Variants in MERTK observed in about 807,000 individuals in gnomAD.
MERTK encodes the protein MER proto-oncogene, tyrosine kinase, also known as tyrosine-protein kinase Mer.
A neutral mutation model predicts 99.3 loss-of-function variants in MERTK; 69 were observed. The ratio of observed to expected loss-of-function variants is 0.70; its 90% CI spans 0.57 to 0.85. MERTK has a LOEUF of 0.85. Among genes scored for constraint, MERTK ranks in the 40% least tolerant of loss-of-function variants. The probability of loss-of-function intolerance (pLI) is 0.00; values close to 1 mark genes in which losing one functional copy is unlikely to be tolerated. For synonymous variants in MERTK, 426 were observed against 467.6 expected, an observed-to-expected ratio of 0.91 and a Z score of 1.15; for missense variants, 1,125 against 1,249.4, an observed-to-expected ratio of 0.90 and a Z score of 1.50.
At chr2:112,002,363 G>A (rs1250627017) in intron 11 of MERTK, among the ~76,000 whole-genome samples, 3 of 152,124 alleles carry the variant, frequency 2.0e-5, no homozygotes, top group Non-Finnish European at 4.4e-5. Flanking sequence ...GTGAGACTCC[G>A]TCCATGGCAT....
chr2:111,962,315 C>G (rs1409114974), intron 4 of MERTK, among the ~76,000 whole-genome samples: 1 of 152,122 alleles, frequency 6.6e-6, no homozygotes, highest in Non-Finnish European at 1.5e-5. Context: ...CAGGACCAGC[C>G]TGGACAACAT....
intron 1 of MERTK, among the ~76,000 whole-genome samples, chr2:111,900,080 TCTC>T (rs1301226173): frequency 1.3e-5 from 2 of 152,192 alleles, no homozygotes; most frequent in Non-Finnish European, 2.9e-5. Flanking sequence ...GTAGATTTTC[TCTC>T]TTTTGATCGA....
intron 13 of MERTK, among the ~76,000 whole-genome samples, chr2:112,006,265 TA>T (rs536845637): frequency 1.2e-3 from 182 of 151,818 alleles, no homozygotes; most frequent in African/African-American, 4.3e-3. Context: ...AAGTAGACCA[TA>T]ATGACTAATA....
At chr2:111,997,168 G>A (rs1676763421) in intron 9 of MERTK, 155 bp from the exon 10 acceptor site, 2 of 870,644 alleles carry the variant, frequency 2.3e-6, no homozygotes, top group Non-Finnish European at 3.9e-6. Flanking sequence ...CTCTTCGCAT[G>A]GTCTCAGCTT....
chr2:111,938,320 C>A (rs1684799775), intron 2 of MERTK, among the ~76,000 whole-genome samples: 1 of 152,162 alleles, frequency 6.6e-6, no homozygotes, highest in Non-Finnish European at 1.5e-5. Flanking sequence ...TGGTCTTGAA[C>A]TCCTGGGCTC....
intron 4 of MERTK, among the ~76,000 whole-genome samples, chr2:111,951,501 G>T (rs1685053095): frequency 2.1e-5 from 2 of 96,392 alleles, no homozygotes; most frequent in Admixed American, 1.2e-4. Context: ...TTTCTTTTTT[G>T]TACACGCTGA....
chr2:111,899,334 G>GA (rs202124552), intron 1 of MERTK, among the ~76,000 whole-genome samples: 1 of 152,174 alleles, frequency 6.6e-6, no homozygotes, highest in Non-Finnish European at 1.5e-5. Flanking sequence ...ACGGGCCAGG[G>GA]GGGGACGGCA....
intron 4 of MERTK, among the ~76,000 whole-genome samples, chr2:111,956,839 G>A (rs1685156411): frequency 6.6e-6 from 1 of 151,946 alleles, no homozygotes. Context: ...TTTGTAGGAC[G>A]GGATCTCACT....
intron 6 of MERTK, among the ~76,000 whole-genome samples, chr2:111,970,778 CTCCTCCT>C (rs1676097079): frequency 2.6e-5 from 1 of 39,108 alleles, no homozygotes; most frequent in Non-Finnish European, 6.1e-5. Flanking sequence ...CTCCCTCCTC[CTCCTCCT>C]CCCTCCTCCT....
Position 112,018,300 on chromosome 2 carries a change from C to T in MERTK, c.2080-1113C>T, listed in dbSNP as rs552691111. ...AAAAAACAGCACAAATGAATAGTAC[C>T]TGATACTCATTACATCTTCATGAAT... On this transcript the variant is annotated intron_variant, in intron 15 of 18. Coordinates refer to ENST00000295408, the MANE Select transcript of MERTK (RefSeq NM_006343.3). Among the ~76,000 whole-genome samples, 18 of 152,248 alleles carry T rather than the reference C, an allele frequency of 1.2e-4. No homozygotes were observed. In the South Asian group the frequency reaches 3.7e-3, roughly 32 times the overall value.
At chr2:111,952,985 A>G (rs1644294003) in intron 4 of MERTK, among the ~76,000 whole-genome samples, 1 of 152,250 alleles carries the variant, frequency 6.6e-6, no homozygotes, top group South Asian at 2.1e-4. Flanking sequence ...CCATGAGACC[A>G]GGGGGGCTCT....
At chr2:111,980,363 T>G (rs1313080005) in intron 7 of MERTK, among the ~76,000 whole-genome samples, 3 of 152,000 alleles carry the variant, frequency 2.0e-5, no homozygotes, top group Non-Finnish European at 2.9e-5. Flanking sequence ...AGGGCATACT[T>G]GCCAGGTGTG....
intron 8 of MERTK, among the ~76,000 whole-genome samples, chr2:111,993,307 T>C (rs1197891676): frequency 2.0e-5 from 3 of 152,172 alleles, no homozygotes; most frequent in African/African-American, 7.2e-5. Context: ...GATGGTTCTA[T>C]CCTTCACCAT....
chr2:112,024,294 T>C (rs932459221), intron 18 of MERTK, among the ~76,000 whole-genome samples: 3 of 152,204 alleles, frequency 2.0e-5, no homozygotes, highest in Admixed American at 1.3e-4. Context: ...TTGCGGTGAT[T>C]ATGTTGGGTC....
rs368948289 is a variant in MERTK, at chr2:111,978,226, C to G, written c.1144+2754C>G. ...GTGCAATGGTGTAATCTCAGCTCAC[C>G]GCAACATCTGCCTCCTGAGTTCAAG... On this transcript the variant is annotated intron_variant, in intron 7 of 18. Transcript: ENST00000295408. 2.6e-4 allele frequency among the ~76,000 whole-genome samples: 39 copies of G among 151,746 alleles called. 1 individual carries two copies. Among genetic ancestry groups the G allele is most frequent in the African/African-American group, 9.4e-4 (39 of 41,340 alleles).
chr2:111,899,219 C>T (rs1683990085), intron 1 of MERTK, among the ~76,000 whole-genome samples: 1 of 152,168 alleles, frequency 6.6e-6, no homozygotes, highest in African/African-American at 2.4e-5. Context: ...GCCGGAGTCC[C>T]GGGGGCCACA....
intron 1 of MERTK, among the ~76,000 whole-genome samples, chr2:111,906,540 T>A (rs1431704371): frequency 6.6e-6 from 1 of 152,242 alleles, no homozygotes; most frequent in African/African-American, 2.4e-5. Flanking sequence ...ACTGTGCCGC[T>A]TAGGGAATTC....
chr2:112,021,041 A>C (rs902714283), intron 16 of MERTK, among the ~76,000 whole-genome samples: 1 of 151,836 alleles, frequency 6.6e-6, no homozygotes, highest in Non-Finnish European at 1.5e-5. Flanking sequence ...TAAAAAAAAA[A>C]AAAAAAAAAT....
rs932732941 is a variant in MERTK, at chr2:111,950,922, T to C, written c.757+3355T>C. On this transcript the variant is annotated intron_variant, in intron 4 of 18. Coordinates refer to ENST00000295408, the MANE Select transcript of MERTK (RefSeq NM_006343.3). Reference sequence around the variant, plus strand: ...AATACATTATATCTCTTCATTTATTTAGGTCTTCTTTAATTTCTCTCAGCA... The same window carrying C: ...AATACATTATATCTCTTCATTTATTCAGGTCTTCTTTAATTTCTCTCAGCA... 6.6e-5 allele frequency among the ~76,000 whole-genome samples: 10 copies of C among 152,330 alleles called. No individual in the cohort carries two copies. In the East Asian group the frequency reaches 1.9e-3, roughly 29 times the overall value.
Sources: allele counts gnomAD v4.1 joint callset (sites outside exome capture counted in the v4.1 genomes callset), GRCh38; gene constraint gnomAD v4.1.1; transcripts MANE v1.5; gene names NCBI Gene and HGNC (gene_info 2026-07-23, HGNC 2026-07-21).